Variants in TBC1D5 observed in about 807,000 individuals in gnomAD.
The protein encoded by TBC1D5 is TBC1 domain family member 5.
In TBC1D5, 75 loss-of-function variants were observed where a neutral mutation model predicts 100.3. The observed-to-expected ratio is 0.75, with a 90% confidence interval of 0.62 to 0.91. TBC1D5 has a LOEUF of 0.91. TBC1D5 is among the 40% of genes least tolerant of loss of function. The pLI, the probability that TBC1D5 is intolerant of heterozygous loss-of-function variation, is 0.00. For missense variants in TBC1D5, 910 were observed against 942.4 expected (o/e 0.97, Z 0.45); for synonymous variants, 323 against 325.6 (o/e 0.99, Z 0.09).
intron 2 of TBC1D5, among the ~76,000 whole-genome samples, chr3:17,528,078 G>A (rs1024112084): frequency 2.6e-5 from 4 of 152,082 alleles, no homozygotes; most frequent in African/African-American, 9.7e-5. Context: ...AGGGGTGGCT[G>A]AGACAAGGTC....
intron 1 of TBC1D5, among the ~76,000 whole-genome samples, chr3:17,738,821 T>C (rs1475308495): frequency 1.3e-5 from 2 of 152,260 alleles, no homozygotes; most frequent in Admixed American, 6.5e-5. Flanking sequence ...CCTCTGATGA[T>C]AATCTCTGAG....
chr3:17,618,900 G>C (rs1285426461), intron 2 of TBC1D5, among the ~76,000 whole-genome samples: 1 of 152,100 alleles, frequency 6.6e-6, no homozygotes, highest in Non-Finnish European at 1.5e-5. Flanking sequence ...ACCCTCCATG[G>C]GCTGCACCCA....
chr3:17,197,542 A>C (rs1161536574), intron 18 of TBC1D5, among the ~76,000 whole-genome samples: 1 of 151,998 alleles, frequency 6.6e-6, no homozygotes, highest in Admixed American at 6.6e-5. Context: ...AAGCCCAGCT[A>C]ATTTTTTTTG....
chr3:17,668,268 T>TG (rs897352539), intron 1 of TBC1D5, among the ~76,000 whole-genome samples: 10 of 150,590 alleles, frequency 6.6e-5, no homozygotes, highest in African/African-American at 1.9e-4. Flanking sequence ...ACTAGAGGAA[T>TG]GGGGGGGTGG....
chr3:17,414,379 T>G (rs1321903251), intron 4 of TBC1D5, among the ~76,000 whole-genome samples: 2 of 152,214 alleles, frequency 1.3e-5, no homozygotes, highest in Admixed American at 1.3e-4. Context: ...AAGGAGCCAG[T>G]AAATTTTTGA....
intron 3 of TBC1D5, among the ~76,000 whole-genome samples, chr3:17,442,580 T>C (rs1472688645): frequency 6.6e-6 from 1 of 152,152 alleles, no homozygotes; most frequent in South Asian, 2.1e-4. Context: ...ATTCTGTGTA[T>C]GAAAAGACAC....
intron 1 of TBC1D5, among the ~76,000 whole-genome samples, chr3:17,646,776 T>G (rs2065057272): frequency 6.6e-6 from 1 of 152,086 alleles, no homozygotes; most frequent in African/African-American, 2.4e-5. Context: ...GGATAAAGTC[T>G]GATTTTTTTT....
intron 1 of TBC1D5, among the ~76,000 whole-genome samples, chr3:17,682,597 T>C (rs1386496583): frequency 6.6e-6 from 1 of 151,128 alleles, no homozygotes; most frequent in Non-Finnish European, 1.5e-5. Context: ...TATTAGAAAT[T>C]ACTCAATGGA....
chr3:17,185,011 C>T, intron 19 of TBC1D5, 98 bp downstream of exon 20: 3 of 982,798 alleles, frequency 3.1e-6, no homozygotes, highest in Non-Finnish European at 4.6e-6. Context: ...TAAGGTAATT[C>T]ATGTAAACAG....
At chr3:17,626,461 G>C (rs894572245) in intron 1 of TBC1D5, among the ~76,000 whole-genome samples, 16 of 152,184 alleles carry the variant, frequency 1.1e-4, no homozygotes, top group African/African-American at 3.9e-4. Flanking sequence ...ATATAACATG[G>C]TCCCTGCTTT....
At chr3:17,446,747 G>A (rs1017992864) in intron 3 of TBC1D5, among the ~76,000 whole-genome samples, 11 of 152,172 alleles carry the variant, frequency 7.2e-5, no homozygotes, top group Non-Finnish European at 1.3e-4. Context: ...CGAGGCGGGT[G>A]GATCACGACG....
chr3:17,532,274 AACCACAATGAGAT>A (rs1440643073), intron 2 of TBC1D5, among the ~76,000 whole-genome samples: 2 of 152,232 alleles, frequency 1.3e-5, no homozygotes, highest in African/African-American at 4.8e-5. Flanking sequence ...TGCAAATCAA[AACCACAATGAGAT>A]ACCATCTCAC....
intron 2 of TBC1D5, among the ~76,000 whole-genome samples, chr3:17,572,991 T>C (rs2096636674): frequency 6.6e-6 from 1 of 152,078 alleles, no homozygotes; most frequent in Admixed American, 6.6e-5. Flanking sequence ...GCAAATAATT[T>C]TTAAATAAGT....
At chr3:17,569,120 T>C (rs2096610949) in intron 2 of TBC1D5, among the ~76,000 whole-genome samples, 1 of 151,840 alleles carries the variant, frequency 6.6e-6, no homozygotes. Context: ...GAAGTAAATA[T>C]TTATTTTCAT....
At chr3:17,654,456 A>C (rs552756909) in intron 1 of TBC1D5, among the ~76,000 whole-genome samples, 5 of 152,320 alleles carry the variant, frequency 3.3e-5, no homozygotes, top group African/African-American at 1.2e-4. Flanking sequence ...TACACCAATC[A>C]TTTTAAAAAT....
chr3:17,682,491 C>G (rs1321024370), intron 1 of TBC1D5, among the ~76,000 whole-genome samples: 1 of 151,372 alleles, frequency 6.6e-6, no homozygotes, highest in Non-Finnish European at 1.5e-5. Flanking sequence ...AACATAAATA[C>G]TTGTCACAAG....
At chr3:17,409,819 G>A (rs62245941) in intron 4 of TBC1D5, among the ~76,000 whole-genome samples, 2,658 of 152,254 alleles carry the variant, frequency 0.017, 30 homozygotes, top group Non-Finnish European at 0.029. Context: ...AGAAAAGTTG[G>A]AAGGTAGCAG....
intron 3 of TBC1D5, among the ~76,000 whole-genome samples, chr3:17,465,725 A>G (rs1278826626): frequency 6.6e-6 from 1 of 152,204 alleles, no homozygotes; most frequent in African/African-American, 2.4e-5. Flanking sequence ...CTGTTCTCCA[A>G]ATAGTTCAAA....
At position 17,562,788 on chromosome 3, in the gene TBC1D5, A is replaced by C. The variant is rs572866944; in HGVS notation, c.-35-54183T>G. On this transcript the variant is annotated intron_variant, in intron 2 of 21. Transcript: ENST00000253692. ...GAATGCTCATTATTGGGGATATATA[A>C]ATTTTCTATAATCAATACATCTAAT... 1.6e-3 allele frequency among the ~76,000 whole-genome samples: 248 copies of C among 152,348 alleles called. 1 individual carries two copies. The highest frequency in any genetic ancestry group is 3.4e-3 in the Middle Eastern group (1 of 294).
Sources: gnomAD v4.1 joint callset for allele counts (sites outside exome capture counted in the v4.1 genomes callset) on GRCh38, gnomAD v4.1.1 for gene constraint, MANE v1.5 for transcripts, NCBI Gene and HGNC (gene_info 2026-07-23, HGNC 2026-07-21) for gene names.